The following ASCC1 variants were observed in gnomAD, a reference collection of about 807,000 sequenced individuals.
ASCC1 encodes activating signal cointegrator 1 complex subunit 1.
Under a neutral mutation model 46.6 loss-of-function variants are expected in ASCC1, and 35 were observed. That is an observed-to-expected ratio of 0.75 (90% CI 0.57 to 0.99). The LOEUF is 0.99. Ranked by LOEUF, ASCC1 falls within the 50% of genes least tolerant of loss-of-function variation. The pLI, the probability that ASCC1 is intolerant of heterozygous loss-of-function variation, is 0.00. For missense variants in ASCC1, 376 were observed against 428.7 expected, an observed-to-expected ratio of 0.88 and a Z score of 1.09; for synonymous variants, 143 against 146.6, an observed-to-expected ratio of 0.98 and a Z score of 0.18.
intron 4 of ASCC1, among the ~76,000 whole-genome samples, chr10:72,199,896 C>G (rs535997619): frequency 5.7e-4 from 86 of 152,062 alleles, no homozygotes; most frequent in African/African-American, 2.0e-3. Context: ...CACACCCAGC[C>G]AATTTTTGTA....
At chr10:72,120,268 G>A (rs1025726660) in intron 9 of ASCC1, among the ~76,000 whole-genome samples, 2 of 152,036 alleles carry the variant, frequency 1.3e-5, no homozygotes, top group African/African-American at 4.8e-5. Context: ...TAAAAATACT[G>A]TAACAAAAAT....
At chr10:72,183,255 C>T (rs1055615313) in intron 5 of ASCC1, among the ~76,000 whole-genome samples, 1 of 152,144 alleles carries the variant, frequency 6.6e-6, no homozygotes, top group Non-Finnish European at 1.5e-5. Context: ...GTTGGCCAGC[C>T]TTGTCTGGAA....
intron 9 of ASCC1, among the ~76,000 whole-genome samples, chr10:72,101,963 C>CTGT (rs1162389866): frequency 6.6e-6 from 1 of 151,844 alleles, no homozygotes; most frequent in Non-Finnish European, 1.5e-5. Context: ...AAGAAGGAAA[C>CTGT]AACAGACACT....
chr10:72,192,449 C>A (rs1252076742), intron 5 of ASCC1, among the ~76,000 whole-genome samples: 1 of 144,144 alleles, frequency 6.9e-6, no homozygotes, highest in African/African-American at 2.8e-5. Flanking sequence ...GGCGAGACTC[C>A]GTCTCAAAAA....
rs540364126 is a variant in ASCC1, at chr10:72,137,827, T to C, written c.747-4646A>G. Among the ~76,000 whole-genome samples the C allele has an allele frequency of 2.4e-4, 37 of 152,274 alleles. No individual in the cohort carries two copies. In the East Asian group the frequency reaches 6.0e-3, roughly 25 times the overall value. On this transcript the variant is annotated intron_variant, in intron 7 of 9. Coordinates refer to ENST00000672957, the MANE Select transcript of ASCC1 (RefSeq NM_001198800.3). ...CAGATAAACTGCTTTTAAAAGTTTC[T>C]GATTAACACCATCTAAGAACCATAA...
rs71018255 is a variant in ASCC1 at position 72,142,365 on chromosome 10, C to CTTTT, written c.747-9188_747-9185dup. Reference sequence around the variant, plus strand: ...AAATTGCCAAATCCAGCAGATTTCACTTTTTTTTTTTTTTTTGGTGAGACT... The same window carrying CTTTT: ...AAATTGCCAAATCCAGCAGATTTCACTTTTTTTTTTTTTTTTTTTTGGTGAGACT... On this transcript the variant is annotated intron_variant, in intron 7 of 9. Coordinates refer to ENST00000672957, the MANE Select transcript of ASCC1 (RefSeq NM_001198800.3). Among the ~76,000 whole-genome samples, 87 of 137,128 alleles carry CTTTT rather than the reference C, an allele frequency of 6.3e-4. 1 individual carries two copies. Among genetic ancestry groups the CTTTT allele is most frequent in the African/African-American group, 2.3e-3 (84 of 37,128 alleles). 90.0% of individuals were successfully genotyped at this position (137,128 alleles called of 152,430 possible). A position where few individuals can be genotyped will look rare whatever the true frequency, so the allele number is the denominator to read the frequency against.
chr10:72,128,958 T>TA (rs1315778604), intron 8 of ASCC1, among the ~76,000 whole-genome samples: 1 of 152,244 alleles, frequency 6.6e-6, no homozygotes, highest in African/African-American at 2.4e-5. Context: ...TCTGAAATAT[T>TA]AATCATTTCC....
At chr10:72,172,414 CAAAAAAAAA>C (rs1041390323) in intron 5 of ASCC1, among the ~76,000 whole-genome samples, 1 of 40,300 alleles carries the variant, frequency 2.5e-5, no homozygotes, top group Non-Finnish European at 4.7e-5. Flanking sequence ...AACTCAGTCT[CAAAAAAAAA>C]AAAAAAAAAA....
chr10:72,180,196 T>C (rs897620445), intron 5 of ASCC1, among the ~76,000 whole-genome samples: 8 of 151,976 alleles, frequency 5.3e-5, no homozygotes, highest in African/African-American at 1.7e-4. Flanking sequence ...TAAGAACTGC[T>C]TGAACCCAGG....
intron 7 of ASCC1, among the ~76,000 whole-genome samples, chr10:72,146,266 T>A (rs1035960009): frequency 3.3e-5 from 5 of 152,180 alleles, no homozygotes; most frequent in Non-Finnish European, 5.9e-5. Context: ...TCTACTGCCC[T>A]GCATATCCTA....
intron 7 of ASCC1, among the ~76,000 whole-genome samples, chr10:72,151,757 C>T (rs1165933468): frequency 6.6e-6 from 1 of 151,532 alleles, no homozygotes; most frequent in African/African-American, 2.4e-5. Flanking sequence ...GGCACCATCT[C>T]GGCTCACTGC....
chr10:72,097,434 T>G lies in ASCC1; in HGVS notation c.974A>C (p.Tyr325Ser). Residue 325 changes from tyrosine (Y) to serine (S), a missense_variant, in exon 10 of 10, where the codon TAC (tyrosine) becomes TCC (serine). Coordinates refer to ENST00000672957, the MANE Select transcript of ASCC1 (RefSeq NM_001198800.3). Reference sequence around the variant, plus strand: ...TGAATTCAGCTTTAGGGAGCCAAAGTAGAAGTTCTCAAACAACTGAAAAGG... The same window carrying G: ...TGAATTCAGCTTTAGGGAGCCAAAGGAGAAGTTCTCAAACAACTGAAAAGG... ...RNILKLFENF[Y>S]FGSLKLNSIH... 4 of 1,609,892 alleles carry G rather than the reference T, an allele frequency of 2.5e-6. No individual in the cohort carries two copies. The highest frequency in any genetic ancestry group is 3.4e-6 in the Non-Finnish European group (4 of 1,176,172).
At chr10:72,168,406 T>C (rs1850645022) in intron 5 of ASCC1, among the ~76,000 whole-genome samples, 1 of 152,072 alleles carries the variant, frequency 6.6e-6, no homozygotes. Context: ...TGACAAAAAA[T>C]CAAAAGCTTC....
At chr10:72,127,679 T>TTTTTTTG in intron 9 of ASCC1, among the ~76,000 whole-genome samples, 1 of 150,300 alleles carries the variant, frequency 6.7e-6, no homozygotes, top group Admixed American at 6.6e-5. Flanking sequence ...TTTTTTTTTT[T>TTTTTTTG]CCTAAGTGTT....
At chr10:72,102,314 C>T in intron 9 of ASCC1, 1 of 1,545,392 alleles carries the variant, frequency 6.5e-7, no homozygotes, top group Non-Finnish European at 8.7e-7. Flanking sequence ...TGTGTTTACA[C>T]ACTCACGGCT....
intron 9 of ASCC1, among the ~76,000 whole-genome samples, chr10:72,109,318 CA>C (rs1335833486): frequency 1.3e-5 from 2 of 152,156 alleles, no homozygotes; most frequent in Non-Finnish European, 2.9e-5. Flanking sequence ...TTTTTGTCTC[CA>C]TTAAAATAGT....
At chr10:72,118,566 GGT>G (rs1428182631) in intron 9 of ASCC1, among the ~76,000 whole-genome samples, 1 of 151,940 alleles carries the variant, frequency 6.6e-6, no homozygotes, top group Non-Finnish European at 1.5e-5. Flanking sequence ...GATTACCTGA[GGT>G]CAGGAGTTCG....
rs372684776 is a variant in ASCC1 at position 72,155,070 on chromosome 10, T to C, written c.627-2082A>G. On this transcript the variant is annotated intron_variant, in intron 6 of 9. Transcript: ENST00000672957. ...AACAATGTGCATGCTATGCTACTTG[T>C]ACAAAAGATGGAGGTATAAAAAATA... 9.1e-3 allele frequency among the ~76,000 whole-genome samples: 1,332 copies of C among 146,112 alleles called. 15 individuals carry two copies. Among genetic ancestry groups the C allele is most frequent in the African/African-American group, 0.036 (1,264 of 35,530 alleles).
At chr10:72,132,381 T>G (rs1845714599) in intron 8 of ASCC1, among the ~76,000 whole-genome samples, 1 of 152,212 alleles carries the variant, frequency 6.6e-6, no homozygotes. Context: ...AACTTCTTTT[T>G]GAAATAAACA....
Sources: gnomAD v4.1 joint callset for allele counts (sites outside exome capture counted in the v4.1 genomes callset) on GRCh38, gnomAD v4.1.1 for gene constraint, MANE v1.5 for transcripts, NCBI Gene and HGNC (gene_info 2026-07-23, HGNC 2026-07-21) for gene names.